FGGY: variants seen among roughly 807,000 people sequenced by gnomAD.
FGGY encodes FGGY carbohydrate kinase domain-containing protein.
Under a neutral mutation model 71.3 loss-of-function variants are expected in FGGY, and 72 were observed. That is an observed-to-expected ratio of 1.01 (90% confidence interval 0.84 to 1.23). The LOEUF (loss-of-function observed/expected upper bound fraction) is 1.23, where lower values mean the gene tolerates loss of function less well. Ranked by LOEUF, FGGY falls within the 50% of genes most tolerant of loss-of-function variation. The pLI is 0.00. For synonymous variants in FGGY, 251 were observed against 250.3 expected (o/e 1.00, Z -0.02); for missense variants, 668 against 682.3 (o/e 0.98, Z 0.23).
At chr1:59,551,072 G>C (rs1384262155) in intron 7 of FGGY, among the ~76,000 whole-genome samples, 3 of 152,198 alleles carry the variant, frequency 2.0e-5, no homozygotes, top group Non-Finnish European at 2.9e-5. Context: ...GTTGTCTCTT[G>C]AGAGGGGGTT....
chr1:59,621,292 T>C (rs1304457724), intron 9 of FGGY, among the ~76,000 whole-genome samples: 2 of 152,046 alleles, frequency 1.3e-5, no homozygotes, highest in Non-Finnish European at 2.9e-5. Flanking sequence ...GTTTAGTCCA[T>C]GTCAAAGATA....
intron 1 of FGGY, among the ~76,000 whole-genome samples, chr1:59,307,879 A>C (rs1386290075): frequency 6.6e-6 from 1 of 152,218 alleles, no homozygotes; most frequent in Non-Finnish European, 1.5e-5. Context: ...TATGTTAGTT[A>C]GAACAAACTA....
intron 2 of FGGY, among the ~76,000 whole-genome samples, chr1:59,336,225 C>A (rs1251998042): frequency 6.6e-6 from 1 of 152,184 alleles, no homozygotes; most frequent in East Asian, 1.9e-4. Flanking sequence ...GCATCACTGT[C>A]AAATAGTCTG....
At chr1:59,482,561 T>C (rs575039518) in intron 6 of FGGY, among the ~76,000 whole-genome samples, 1 of 123,500 alleles carries the variant, frequency 8.1e-6, no homozygotes, top group Non-Finnish European at 1.7e-5. Flanking sequence ...TGTGTCTATG[T>C]GTATATATAT....
chr1:59,371,349 A>G (rs1210974676), intron 4 of FGGY, among the ~76,000 whole-genome samples: 1 of 152,202 alleles, frequency 6.6e-6, no homozygotes, highest in Non-Finnish European at 1.5e-5. Flanking sequence ...TTCAACAGGA[A>G]GAGCTAACTC....
intron 3 of FGGY, among the ~76,000 whole-genome samples, 190 bp downstream of exon 3, chr1:59,340,259 G>A (rs962399474): frequency 1.3e-5 from 2 of 152,200 alleles, no homozygotes; most frequent in Non-Finnish European, 2.9e-5. Context: ...GGGTGGTGTT[G>A]ACGCTGGATT....
At chr1:59,526,826 C>T (rs1415019503) in intron 7 of FGGY, among the ~76,000 whole-genome samples, 1 of 152,214 alleles carries the variant, frequency 6.6e-6, no homozygotes, top group Non-Finnish European at 1.5e-5. Flanking sequence ...TGGGTTCAAA[C>T]CCCTGTTTTG....
intron 7 of FGGY, among the ~76,000 whole-genome samples, chr1:59,544,244 A>G (rs1158054537): frequency 6.6e-6 from 1 of 152,242 alleles, no homozygotes; most frequent in Admixed American, 6.5e-5. Flanking sequence ...AGGAACAGTT[A>G]AACATGAGTA....
intron 9 of FGGY, among the ~76,000 whole-genome samples, chr1:59,618,266 T>G (rs2096776056): frequency 6.6e-6 from 1 of 152,130 alleles, no homozygotes; most frequent in Non-Finnish European, 1.5e-5. Flanking sequence ...TACCAAATAT[T>G]TTTAGGCCCA....
chr1:59,465,200 G>C (rs992096984), intron 6 of FGGY, among the ~76,000 whole-genome samples: 4 of 152,176 alleles, frequency 2.6e-5, no homozygotes, highest in African/African-American at 9.7e-5. Flanking sequence ...ATGTAAGGCG[G>C]TTCCACATAT....
chr1:59,456,895 T>TTGCAAAATACCCGTCCAGGTATC, intron 5 of FGGY, 66 bp from the exon 6 acceptor site: 1 of 1,151,236 alleles, frequency 8.7e-7, no homozygotes, highest in Non-Finnish European at 1.3e-6. Flanking sequence ...GACGGGTATT[T>TTGCAAAATACCCGTCCAGGTATC]TGCAAAATAT....
Position 59,678,789 on chromosome 1 carries a change from C to A in FGGY, c.1512+4656C>A, listed in dbSNP as rs1430800402. ...CCTTGAAAAAAAGGAGTGGAGGAAGCATCTGAAGCAAAAATCAGTAAAAGG... is the reference window on the plus strand; with the variant it reads ...CCTTGAAAAAAAGGAGTGGAGGAAGAATCTGAAGCAAAAATCAGTAAAAGG... On this transcript the variant is annotated intron_variant, in intron 14 of 15. Transcript: ENST00000303721. Among the ~76,000 whole-genome samples the A allele has an allele frequency of 2.6e-5, 4 of 152,164 alleles. No homozygotes were observed. The East Asian group carries it at 5.8e-4, about 22-fold the overall frequency.
At chr1:59,555,595 A>G (rs74871466) in intron 8 of FGGY, among the ~76,000 whole-genome samples, 4,038 of 152,326 alleles carry the variant, frequency 0.027, 186 homozygotes, top group African/African-American at 0.093. Context: ...GGGAGGGTGC[A>G]GGGTGATAGA....
intron 1 of FGGY, among the ~76,000 whole-genome samples, chr1:59,302,635 G>C (rs1169771626): frequency 6.6e-6 from 1 of 152,054 alleles, no homozygotes; most frequent in Non-Finnish European, 1.5e-5. Flanking sequence ...TGGACACAAA[G>C]AGGGGAACAA....
intron 11 of FGGY, among the ~76,000 whole-genome samples, chr1:59,652,390 C>T (rs1208284410): frequency 1.3e-5 from 2 of 149,444 alleles, no homozygotes; most frequent in African/African-American, 5.0e-5. Context: ...TCAGGTACAC[C>T]AATCAGACGT....
rs140241653 is a variant in FGGY at position 59,441,197 on chromosome 1, A to G, written c.555-15764A>G. On this transcript the variant is annotated intron_variant, in intron 5 of 15. Coordinates refer to ENST00000303721, the MANE Select transcript of FGGY (RefSeq NM_018291.5). ...GGGAGAAGACCTAGTACTCACGTCT[A>G]TCTATCTGCAGTGCCATGCTGAGTG... Among the ~76,000 whole-genome samples, 558 of 152,266 alleles carry G rather than the reference A, an allele frequency of 3.7e-3. 4 individuals carry two copies. Among genetic ancestry groups the G allele is most frequent in the African/African-American group, 0.012 (501 of 41,550 alleles).
chr1:59,712,001 C>T (rs1404153896), intron 14 of FGGY, among the ~76,000 whole-genome samples: 1 of 152,176 alleles, frequency 6.6e-6, no homozygotes, highest in Non-Finnish European at 1.5e-5. Flanking sequence ...TCCAAAGTCT[C>T]ATCTGAGACA....
At chr1:59,647,644 G>A (rs917764674) in intron 11 of FGGY, among the ~76,000 whole-genome samples, 12 of 151,920 alleles carry the variant, frequency 7.9e-5, no homozygotes, top group Admixed American at 7.9e-4. Context: ...GCAGTTGTAG[G>A]GCTGAGGTCC....
At chr1:59,375,071 TAA>T (rs369481865) in intron 4 of FGGY, among the ~76,000 whole-genome samples, 4,136 of 140,336 alleles carry the variant, frequency 0.029, 220 homozygotes, top group African/African-American at 0.1. Context: ...ATAATAATAA[TAA>T]AAAAAAATCC....
Sources: allele counts gnomAD v4.1 joint callset (sites outside exome capture counted in the v4.1 genomes callset), GRCh38; gene constraint gnomAD v4.1.1; transcripts MANE v1.5; gene names NCBI Gene and HGNC (gene_info 2026-07-23, HGNC 2026-07-21).